STK3: variants seen among roughly 807,000 people sequenced by gnomAD.
STK3 encodes the protein serine/threonine kinase 3.
In STK3, 41 loss-of-function variants were observed where a neutral mutation model predicts 58.0. The ratio of observed to expected loss-of-function variants is 0.71; its 90% CI spans 0.55 to 0.92. The LOEUF (loss-of-function observed/expected upper bound fraction) is 0.92, where lower values mean the gene tolerates loss of function less well. STK3 is among the 40% of genes least tolerant of loss of function. The pLI is 0.00. For synonymous variants in STK3, 170 were observed against 191.0 expected (o/e 0.89, Z 0.91); for missense variants, 479 against 602.7 (o/e 0.79, Z 2.15).
intron 3 of STK3, among the ~76,000 whole-genome samples, chr8:98,407,714 ATGTGTGTG>A (rs6150725): frequency 0.028 from 3,867 of 136,988 alleles, 68 homozygotes; most frequent in African/African-American, 0.034. Context: ...AGATGAGTGC[ATGTGTGTG>A]TGTGTGTGTG....
At chr8:98,433,162 G>A (rs2131077836) in intron 3 of STK3, among the ~76,000 whole-genome samples, 1 of 152,130 alleles carries the variant, frequency 6.6e-6, no homozygotes, top group South Asian at 2.1e-4. Context: ...CTAGGATCTC[G>A]AACCACTAGC....
intron 1 of STK3, among the ~76,000 whole-genome samples, chr8:98,903,326 G>A (rs997923675): frequency 6.6e-6 from 1 of 152,106 alleles, no homozygotes; most frequent in African/African-American, 2.4e-5. Context: ...TTTATGGGCA[G>A]GTGATAGAAA....
chr8:98,479,448 C>T (rs1178291011), intron 10 of STK3, among the ~76,000 whole-genome samples: 4 of 130,588 alleles, frequency 3.1e-5, no homozygotes, highest in Non-Finnish European at 6.1e-5. Flanking sequence ...GATCCTGCCA[C>T]TGCACTCCAG....
downstream of STK3, among the ~76,000 whole-genome samples, chr8:98,368,257 G>A (rs891419837): frequency 8.5e-5 from 13 of 152,332 alleles, no homozygotes; most frequent in African/African-American, 2.6e-4. Context: ...GGGGTATGGA[G>A]GCAGGTGCTC....
rs116251156 is a variant in STK3 at position 98,572,058 on chromosome 8, T to C, written c.948+7606A>G. Among the ~76,000 whole-genome samples, 558 of 152,314 alleles carry C rather than the reference T, an allele frequency of 3.7e-3. 2 individuals carry two copies. The highest frequency in any genetic ancestry group is 0.013 in the African/African-American group (521 of 41,564). ...CACATGTAGAATATTTGCTTTGCTG[T>C]TTTACTTAAAAACAAGTACTCTTTT... On this transcript the variant is annotated intron_variant, in intron 8 of 10. Transcript: ENST00000419617.
intron 4 of STK3, among the ~76,000 whole-genome samples, chr8:98,726,262 C>T (rs779680413): frequency 3.3e-4 from 50 of 152,142 alleles, no homozygotes; most frequent in Admixed American, 1.3e-4. Context: ...AAGGAAATAC[C>T]TTTGTAAACT....
At chr8:98,402,099 G>C (rs760545858) in intron 3 of STK3, among the ~76,000 whole-genome samples, 2 of 152,022 alleles carry the variant, frequency 1.3e-5, no homozygotes, top group Non-Finnish European at 2.9e-5. Flanking sequence ...AGGTATAATT[G>C]GTATTAATAA....
chr8:98,917,810 G>C (rs775227747), intron 1 of STK3, among the ~76,000 whole-genome samples: 1 of 152,156 alleles, frequency 6.6e-6, no homozygotes, highest in African/African-American at 2.4e-5. Flanking sequence ...CCAACACCCT[G>C]CCAAACACCA....
intron 1 of STK3, 148 bp downstream of exon 1, chr8:98,825,367 G>A: frequency 1.6e-6 from 1 of 607,634 alleles, no homozygotes. Flanking sequence ...GACGCGGCGG[G>A]ACACTCGGAC....
At chr8:98,492,278 G>A (rs1249642867) in intron 10 of STK3, among the ~76,000 whole-genome samples, 1 of 152,200 alleles carries the variant, frequency 6.6e-6, no homozygotes, top group Non-Finnish European at 1.5e-5. Flanking sequence ...GCAGTAATAT[G>A]ATATCTTAAA....
intron 1 of STK3, among the ~76,000 whole-genome samples, chr8:98,382,978 T>A (rs1266834079): frequency 2.6e-5 from 4 of 152,082 alleles, no homozygotes; most frequent in Non-Finnish European, 5.9e-5. Context: ...CAAGGTCCCC[T>A]CCTTACTCTG....
chr8:98,363,413 A>G, the STK3 span, among the ~76,000 whole-genome samples: 2 of 152,156 alleles, frequency 1.3e-5, no homozygotes, highest in African/African-American at 4.8e-5. Flanking sequence ...AGAGCAATGG[A>G]CAAGGAAGAA....
At chr8:98,714,309 G>T (rs1446416266) in intron 4 of STK3, among the ~76,000 whole-genome samples, 1 of 152,138 alleles carries the variant, frequency 6.6e-6, no homozygotes, top group Non-Finnish European at 1.5e-5. Context: ...GAAATTAAGG[G>T]TATTCAATTA....
intron 2 of STK3, among the ~76,000 whole-genome samples, chr8:98,435,825 C>G (rs1359477681): frequency 1.3e-5 from 2 of 152,136 alleles, no homozygotes; most frequent in South Asian, 2.1e-4. Flanking sequence ...CCTGAGGGAG[C>G]CTGGCATGAG....
At chr8:98,743,737 G>T (rs1363711122) in intron 4 of STK3, among the ~76,000 whole-genome samples, 1 of 151,758 alleles carries the variant, frequency 6.6e-6, no homozygotes, top group Non-Finnish European at 1.5e-5. Context: ...TGACAAATGG[G>T]ATCTAATTAA....
chr8:98,699,711 G>A (rs1201032995), intron 6 of STK3, among the ~76,000 whole-genome samples: 2 of 152,194 alleles, frequency 1.3e-5, no homozygotes, highest in African/African-American at 4.8e-5. Context: ...CTGTCTGATC[G>A]TTCCTCTGGA....
intron 1 of STK3, among the ~76,000 whole-genome samples, chr8:98,927,077 T>A (rs1360226526): frequency 6.6e-6 from 1 of 152,152 alleles, no homozygotes; most frequent in African/African-American, 2.4e-5. Flanking sequence ...CAAGCTAGAA[T>A]CAAGATATCT....
intron 1 of STK3, among the ~76,000 whole-genome samples, chr8:98,903,323 G>T (rs372315096): frequency 2.2e-4 from 33 of 152,262 alleles, no homozygotes; most frequent in Admixed American, 5.9e-4. Flanking sequence ...GTTTTTATGG[G>T]CAGGTGATAG....
chr8:98,684,455 T>C lies in STK3; in HGVS notation c.684+22012A>G, dbSNP rs1045835393. Among the ~76,000 whole-genome samples, 18 of 152,168 alleles carry C rather than the reference T, an allele frequency of 1.2e-4. 1 individual carries two copies. The highest frequency in any genetic ancestry group is 3.9e-4 in the African/African-American group (16 of 41,450). On this transcript the variant is annotated intron_variant, in intron 6 of 10. Coordinates refer to ENST00000419617, the MANE Select transcript of STK3 (RefSeq NM_006281.4). ...CAGCTCAAAGTTCCTTAAGTAACAA[T>C]AGTAAATATTAAACGGGCATCCTCT...
Sources: gnomAD v4.1 joint callset for allele counts (sites outside exome capture counted in the v4.1 genomes callset) on GRCh38, gnomAD v4.1.1 for gene constraint, MANE v1.5 for transcripts, NCBI Gene and HGNC (gene_info 2026-07-23, HGNC 2026-07-21) for gene names.